MAP3K9: variants seen among roughly 807,000 people sequenced by gnomAD.
MAP3K9 encodes mitogen-activated protein kinase kinase kinase 9, also known as mixed lineage kinase 1 (tyr and ser/thr specificity).
MAP3K9 carries 46 observed loss-of-function variants against 95.8 expected under a neutral mutation model. The ratio of observed to expected loss-of-function variants is 0.48; its 90% CI spans 0.38 to 0.61. MAP3K9 has a LOEUF of 0.61. Among genes scored for constraint, MAP3K9 ranks in the 20% least tolerant of loss-of-function variants. The pLI is 0.00. For missense variants in MAP3K9, 1,296 were observed against 1,474.3 expected, an observed-to-expected ratio of 0.88 and a Z score of 1.98; for synonymous variants, 533 against 593.8, an observed-to-expected ratio of 0.90 and a Z score of 1.49.
At chr14:70,786,357 C>A (rs904150718) in intron 2 of MAP3K9, among the ~76,000 whole-genome samples, 1 of 152,096 alleles carries the variant, frequency 6.6e-6, no homozygotes, top group Non-Finnish European at 1.5e-5. Context: ...TATCTCTCAG[C>A]GGGGATTCCT....
Position 70,728,047 on chromosome 14 carries a change from T to C in MAP3K9, c.*2333A>G, listed in dbSNP as rs1418268383. On this transcript the variant is annotated 3_prime_UTR_variant, in exon 12 of 12. Coordinates refer to ENST00000554752, the MANE Select transcript of MAP3K9 (RefSeq NM_001284230.2). ...GGGCCATTTAGTGGAGCCAAGGATA[T>C]ACAGATGTGCTCATGGTTTAGCCTG... The C allele has an allele frequency of 2.0e-5, 3 of 150,332 alleles. No individual in the cohort carries two copies. The highest frequency in any genetic ancestry group is 4.4e-5 in the Non-Finnish European group (3 of 67,918). 9.3% of individuals were successfully genotyped at this position (150,332 alleles called of 1,614,324 possible). A position where few individuals can be genotyped will look rare whatever the true frequency, so the allele number is the denominator to read the frequency against.
Position 70,809,096 on chromosome 14 carries a change from C to A in MAP3K9, c.76G>T (p.Gly26Trp), listed in dbSNP as rs1034427131. 1.6e-5 allele frequency: 22 copies of A among 1,398,792 alleles called. No homozygotes were observed. Among genetic ancestry groups the A allele is most frequent in the Admixed American group, 3.3e-5 (1 of 30,048 alleles). The allele number at this position is 1,398,792 out of a possible 1,614,324, so 86.6% of individuals were successfully genotyped here. ...TCCTCCTCCTCCTCGGCCCCGGCCC[C>A]TGCTCCATCCTCCCCCGGCGGGGCG... The part of the protein sequence containing the change: ...AAAPPGEDGA[G>W]AGAEEEEEEE... Residue 26 changes from glycine (G) to tryptophan (W), a missense_variant, in exon 1 of 12, where the codon GGG becomes TGG. By Grantham distance (184) the Gly-to-Trp change is radical. This residue lies in a region of MAP3K9 where 338 missense variants were observed against 363.4 expected (regional missense o/e 0.93). Coordinates refer to ENST00000554752, the MANE Select transcript of MAP3K9 (RefSeq NM_001284230.2).
chr14:70,765,361 C>T (rs1032575013), intron 2 of MAP3K9: 7 of 458,946 alleles, frequency 1.5e-5, no homozygotes, highest in Admixed American at 7.7e-5. Context: ...TTTAGTGTAG[C>T]CTAAGTGTAC....
chr14:70,796,015 A>T (rs944342266), intron 2 of MAP3K9, among the ~76,000 whole-genome samples: 4 of 152,010 alleles, frequency 2.6e-5, no homozygotes, highest in Non-Finnish European at 5.9e-5. Context: ...TCAGCCTCCC[A>T]AAGTGCTGGG....
rs373523963 is a variant in MAP3K9, at chr14:70,730,774, C to A, written c.2921G>T (p.Arg974Leu). 9 of 1,613,178 alleles carry A rather than the reference C, an allele frequency of 5.6e-6. No homozygotes were observed. The highest frequency in any genetic ancestry group is 2.2e-5 in the East Asian group (1 of 44,864). Residue 974 changes from arginine to leucine, a missense_variant, in exon 12 of 12, where the codon CGC becomes CTC. Physicochemically the swap from Arg to Leu is moderately radical, Grantham distance 102. Coordinates refer to ENST00000554752, the MANE Select transcript of MAP3K9 (RefSeq NM_001284230.2). ...GGTAGAGTCCTGCTGAGTGTTCCAG[C>A]GCCTTGGGGTTGGGGGGAAGACCAC... ...PNVVFPPTPR[R>L]WNTQQDSTLE...
Position 70,730,269 on chromosome 14 carries a change from G to T in MAP3K9, c.*111C>A. 1 of 1,452,410 alleles carries T rather than the reference G, an allele frequency of 6.9e-7. No homozygotes were observed. Among genetic ancestry groups the T allele is most frequent in the Non-Finnish European group, 9.3e-7 (1 of 1,081,048 alleles). 90.0% of individuals were successfully genotyped at this position (1,452,410 alleles called of 1,614,324 possible). On this transcript the variant is annotated 3_prime_UTR_variant, in exon 12 of 12. Coordinates refer to ENST00000554752, the MANE Select transcript of MAP3K9 (RefSeq NM_001284230.2). ...TCCATCTTCAAAGTGCATTATCAGTGCAAGAAGTAGGGCTGGATCTCAGGG... is the reference window on the plus strand; with the variant it reads ...TCCATCTTCAAAGTGCATTATCAGTTCAAGAAGTAGGGCTGGATCTCAGGG...
At chr14:70,764,586 T>C (rs1298420234) in intron 2 of MAP3K9, among the ~76,000 whole-genome samples, 1 of 149,900 alleles carries the variant, frequency 6.7e-6, no homozygotes, top group East Asian at 1.9e-4. Context: ...ATCCCAGCAC[T>C]TTGGGAGGTC....
At chr14:70,749,081 C>T (rs1234496032) in intron 4 of MAP3K9, 77 bp from the exon 5 acceptor site, 2 of 1,381,464 alleles carry the variant, frequency 1.4e-6, no homozygotes, top group African/African-American at 1.5e-5. Context: ...ATTACATGGC[C>T]TCACTTCCCA....
In MAP3K9 at chr14:70,742,415, G is replaced by A. The variant is rs2054083586; in HGVS notation, c.1503C>T (p.Arg501=). ...LCQEKPRVKK[R]KGKFRKSRLK... ...GCCGGCTCTTCCTGAACTTGCCCTT[G>A]CGTTTCTTCACCCGGGGCTTCTCCT... The change falls in exon 6 of 12, where the codon CGC becomes CGT. Residue 501 remains arginine (R), a synonymous_variant. Transcript: ENST00000554752. 6.2e-7 allele frequency: 1 copy of A among 1,614,186 alleles called. No homozygotes were observed. Among genetic ancestry groups the A allele is most frequent in the South Asian group, 1.1e-5 (1 of 91,086 alleles).
intron 3 of MAP3K9, among the ~76,000 whole-genome samples, chr14:70,754,119 G>A (rs1388907402): frequency 6.6e-6 from 1 of 152,154 alleles, no homozygotes; most frequent in African/African-American, 2.4e-5. Context: ...ACTAATATAT[G>A]TGAAAGCACT....
chr14:70,809,175 G>A lies in MAP3K9; in HGVS notation c.-4C>T. 6.0e-6 allele frequency: 8 copies of A among 1,340,718 alleles called. No individual in the cohort carries two copies. The highest frequency in any genetic ancestry group is 7.6e-6 in the Non-Finnish European group (8 of 1,053,682). 83.1% of individuals were successfully genotyped at this position (1,340,718 alleles called of 1,614,324 possible). ...GAAGCGCTCTGGAGGGCTCCATGGA[G>A]CGGCCGATCCATAGGGTGCGGGGCC... On this transcript the variant is annotated 5_prime_UTR_variant, in exon 1 of 12. Transcript: ENST00000554752.
intron 2 of MAP3K9, among the ~76,000 whole-genome samples, chr14:70,783,690 C>A (rs1044796470): frequency 6.6e-6 from 1 of 152,206 alleles, no homozygotes; most frequent in African/African-American, 2.4e-5. Context: ...TAAGTGGGCA[C>A]CACAAAGCAT....
At chr14:70,735,918 T>G (rs771584498) in intron 9 of MAP3K9, 43 bp downstream of exon 9, 1 of 1,390,674 alleles carries the variant, frequency 7.2e-7, no homozygotes, top group Non-Finnish European at 1.0e-6. Flanking sequence ...GGAAGGGAGA[T>G]TGTTACCAGG....
intron 2 of MAP3K9, among the ~76,000 whole-genome samples, chr14:70,798,645 A>AT (rs2054894015): frequency 6.6e-6 from 1 of 150,722 alleles, no homozygotes; most frequent in Non-Finnish European, 1.5e-5. Flanking sequence ...CGCCCGGCTA[A>AT]TTTTTTGTAT....
intron 8 of MAP3K9, among the ~76,000 whole-genome samples, 155 bp downstream of exon 8, chr14:70,738,090 T>C (rs1180681403): frequency 6.6e-6 from 1 of 152,170 alleles, no homozygotes; most frequent in Non-Finnish European, 1.5e-5. Context: ...TCCAGGAACT[T>C]GGAGGGTGAA....
intron 2 of MAP3K9, among the ~76,000 whole-genome samples, chr14:70,764,209 A>AAAAAAAAAAAAAAC (rs2054416510): frequency 7.1e-6 from 1 of 140,844 alleles, no homozygotes; most frequent in Non-Finnish European, 1.5e-5. Context: ...AAAAAAAAAA[A>AAAAAAAAAAAAAAC]GTTAACTGTA....
In MAP3K9 at chr14:70,727,794, C is replaced by T. The variant is rs772148099; in HGVS notation, c.*2586G>A. 3 of 152,214 alleles carry T rather than the reference C, an allele frequency of 2.0e-5. No homozygotes were observed. The highest frequency in any genetic ancestry group is 4.4e-5 in the Non-Finnish European group (3 of 68,044). 9.4% of individuals were successfully genotyped at this position (152,214 alleles called of 1,614,324 possible). A position where few individuals can be genotyped will look rare whatever the true frequency, so the allele number is the denominator to read the frequency against. On this transcript the variant is annotated 3_prime_UTR_variant, in exon 12 of 12. Coordinates refer to ENST00000554752, the MANE Select transcript of MAP3K9 (RefSeq NM_001284230.2). ...GGTACAATTATTTCCTTAGCAAAGA[C>T]CCAGGCTTGCTTTATCTTTCCCCAC...
At position 70,739,321 on chromosome 14, in the gene MAP3K9, G is replaced by A. The variant is rs1387094289; in HGVS notation, c.1690+721C>T. Among the ~76,000 whole-genome samples the A allele has an allele frequency of 5.3e-5, 8 of 152,002 alleles. 1 individual carries two copies. Among genetic ancestry groups the A allele is most frequent in the South Asian group, 4.2e-4 (2 of 4,808 alleles). ...ACTTTTTTGTATTTTTAGTAGAGGC[G>A]GGGTTTCAGCATGTTGGCCAGGATG... On this transcript the variant is annotated intron_variant, in intron 7 of 11. Transcript: ENST00000554752.
At chr14:70,746,437 A>G (rs924820691) in intron 5 of MAP3K9, among the ~76,000 whole-genome samples, 5 of 152,238 alleles carry the variant, frequency 3.3e-5, no homozygotes, top group African/African-American at 1.2e-4. Context: ...CATCTTCCAC[A>G]TACAGAATGA....
Sources: gnomAD v4.1 joint callset for allele counts (sites outside exome capture counted in the v4.1 genomes callset) on GRCh38, gnomAD v4.1.1 for gene constraint, gnomAD v4.1.1 regional missense constraint, MANE v1.5 for transcripts, NCBI Gene and HGNC (gene_info 2026-07-23, HGNC 2026-07-21) for gene names.